The following ITCH variants were observed in gnomAD, a reference collection of about 807,000 sequenced individuals.
ITCH encodes the protein itchy E3 ubiquitin protein ligase, also known as E3 ubiquitin-protein ligase Itchy homolog.
ITCH carries 28 observed loss-of-function variants against 126.8 expected under a neutral mutation model. The ratio of observed to expected loss-of-function variants is 0.22; its 90% CI spans 0.16 to 0.30. The LOEUF is 0.30. Ranked by LOEUF, ITCH falls within the 10% of genes least tolerant of loss-of-function variation. The probability of loss-of-function intolerance (pLI) is 1.00; values close to 1 mark genes in which losing one functional copy is unlikely to be tolerated. For missense variants in ITCH, 631 were observed against 1,032.4 expected (o/e 0.61, Z 5.33); for synonymous variants, 342 against 340.0 (o/e 1.01, Z -0.06).
At chr20:34,457,331 G>C in intron 12 of ITCH, 59 bp from the exon 13 acceptor site, 1 of 1,091,710 alleles carries the variant, frequency 9.2e-7, no homozygotes. Context: ...TTTACCTTGA[G>C]CAAGAAGACT....
At chr20:34,450,597 G>A (rs748670558) in intron 12 of ITCH, among the ~76,000 whole-genome samples, 1 of 152,168 alleles carries the variant, frequency 6.6e-6, no homozygotes, top group Non-Finnish European at 1.5e-5. Flanking sequence ...AGTATAGAAA[G>A]TTTTGCATAG....
chr20:34,370,309 G>A (rs59288598), intron 2 of ITCH, among the ~76,000 whole-genome samples: 1,610 of 152,126 alleles, frequency 0.011, 39 homozygotes, highest in African/African-American at 0.037. Context: ...TTGTTGTGTG[G>A]ATCAAATAAA....
chr20:34,433,229 G>A (rs1290938880), intron 7 of ITCH, among the ~76,000 whole-genome samples: 1 of 152,248 alleles, frequency 6.6e-6, no homozygotes, highest in African/African-American at 2.4e-5. Flanking sequence ...GGCGGAGGTT[G>A]CAGTGAGCCG....
At chr20:34,485,746 G>T (rs140277062) in intron 20 of ITCH, among the ~76,000 whole-genome samples, 2 of 152,218 alleles carry the variant, frequency 1.3e-5, no homozygotes, top group Non-Finnish European at 2.9e-5. Context: ...ACAGTGGCAC[G>T]ATCAGAGCTC....
intron 2 of ITCH, among the ~76,000 whole-genome samples, chr20:34,372,385 T>TC (rs2037671378): frequency 1.8e-5 from 1 of 56,608 alleles, no homozygotes; most frequent in Admixed American, 2.7e-4. Flanking sequence ...TAAGTTCTAC[T>TC]TTTTTTTTTT....
chr20:34,506,783 A>G (rs973152902), intron 24 of ITCH, among the ~76,000 whole-genome samples: 2 of 152,182 alleles, frequency 1.3e-5, no homozygotes, highest in African/African-American at 4.8e-5. Context: ...TACTGTTTCT[A>G]TGATTCTTTA....
At chr20:34,489,682 A>T (rs1479003681) in intron 21 of ITCH, 140 bp from the exon 22 acceptor site, 6 of 728,282 alleles carry the variant, frequency 8.2e-6, no homozygotes, top group African/African-American at 6.9e-5. Context: ...AGCAATGTAG[A>T]TATAATTCTT....
intron 23 of ITCH, among the ~76,000 whole-genome samples, chr20:34,496,523 G>T (rs1390253528): frequency 6.6e-6 from 1 of 152,046 alleles, no homozygotes; most frequent in Admixed American, 6.6e-5. Context: ...TCTTGGCTCA[G>T]GGCCAGGTGT....
rs1167190686 is a variant in ITCH, at chr20:34,413,724, A to C, written c.338-18A>C. 2 of 1,587,892 alleles carry C rather than the reference A, an allele frequency of 1.3e-6. No individual in the cohort carries two copies. The highest frequency in any genetic ancestry group is 1.7e-6 in the Non-Finnish European group (2 of 1,165,676). On this transcript the variant is annotated intron_variant, in intron 5 of 24. Transcript: ENST00000374864. ...GGAAAAAAGTGACCATTTTTTCTGTAACTTTATTTTCTTCCAGTTGAAGAA... is the reference window on the plus strand; with the variant it reads ...GGAAAAAAGTGACCATTTTTTCTGTCACTTTATTTTCTTCCAGTTGAAGAA...
intron 3 of ITCH, among the ~76,000 whole-genome samples, chr20:34,396,984 T>G (rs2038699859): frequency 6.6e-6 from 1 of 152,158 alleles, no homozygotes; most frequent in South Asian, 2.1e-4. Flanking sequence ...GCTAAGACCC[T>G]TCACCCTCTG....
intron 7 of ITCH, among the ~76,000 whole-genome samples, chr20:34,436,429 G>A (rs563599524): frequency 7.0e-4 from 107 of 152,272 alleles, no homozygotes; most frequent in African/African-American, 2.5e-3. Flanking sequence ...AGTTAGGAAC[G>A]TCTTAAAATA....
chr20:34,456,601 C>G (rs1467466094), intron 12 of ITCH, among the ~76,000 whole-genome samples: 3 of 143,230 alleles, frequency 2.1e-5, no homozygotes, highest in Non-Finnish European at 4.5e-5. Context: ...CCACTGCACT[C>G]CAGCCAGGGT....
At chr20:34,388,375 T>C (rs532595176) in intron 2 of ITCH, among the ~76,000 whole-genome samples, 1 of 152,238 alleles carries the variant, frequency 6.6e-6, no homozygotes, top group South Asian at 2.1e-4. Flanking sequence ...GTTTGCTTGC[T>C]TTTCTTTTCT....
rs200486269 is a variant in ITCH at position 34,454,817 on chromosome 20, GT to G, written c.1211-2544del. 4.1e-3 allele frequency among the ~76,000 whole-genome samples: 443 copies of G among 109,378 alleles called. 2 individuals carry two copies. Among genetic ancestry groups the G allele is most frequent in the African/African-American group, 0.015 (396 of 26,238 alleles). 71.8% of individuals were successfully genotyped at this position (109,378 alleles called of 152,430 possible). On this transcript the variant is annotated intron_variant, in intron 12 of 24. Coordinates refer to ENST00000374864, the MANE Select transcript of ITCH (RefSeq NM_031483.7). ...ACCAATTTTTCTTTTTTCTTTTCCT[GT>G]TTTTTTTTTTTTTTTTTTTTTTTTT...
chr20:34,429,374 A>G (rs548921924), intron 7 of ITCH, among the ~76,000 whole-genome samples: 1 of 152,248 alleles, frequency 6.6e-6, no homozygotes, highest in Non-Finnish European at 1.5e-5. Flanking sequence ...ACTTAAACTT[A>G]TTAAAATAAA....
chr20:34,461,556 A>G (rs1486457702), intron 13 of ITCH, among the ~76,000 whole-genome samples: 1 of 152,062 alleles, frequency 6.6e-6, no homozygotes, highest in Non-Finnish European at 1.5e-5. Flanking sequence ...TAAAAATACA[A>G]AAATTAGCTG....
chr20:34,395,824 A>T (rs747105604), intron 3 of ITCH, among the ~76,000 whole-genome samples: 19 of 152,214 alleles, frequency 1.2e-4, no homozygotes, highest in South Asian at 6.2e-4. Flanking sequence ...GAGTATACGA[A>T]ATTTTAAAAA....
intron 2 of ITCH, among the ~76,000 whole-genome samples, chr20:34,370,791 C>T (rs1568850985): frequency 6.6e-6 from 1 of 151,594 alleles, no homozygotes. Context: ...AGGAAGACTA[C>T]TGGGTAAGAA....
At chr20:34,446,794 G>T (rs75084006) in intron 11 of ITCH, among the ~76,000 whole-genome samples, 2,903 of 152,268 alleles carry the variant, frequency 0.019, 37 homozygotes, top group Non-Finnish European at 0.028. Flanking sequence ...GGGCTTTGGA[G>T]TTAGACACAT....
Sources: gnomAD v4.1 joint callset for allele counts (sites outside exome capture counted in the v4.1 genomes callset) on GRCh38, gnomAD v4.1.1 for gene constraint, MANE v1.5 for transcripts, NCBI Gene and HGNC (gene_info 2026-07-23, HGNC 2026-07-21) for gene names.